The following ADGRV1 variants were observed in gnomAD, a reference collection of about 807,000 sequenced individuals.
ADGRV1 encodes adhesion G protein-coupled receptor V1.
Under a neutral mutation model 596.2 loss-of-function variants are expected in ADGRV1, and 359 were observed. That is an observed-to-expected ratio of 0.60 (90% CI 0.55 to 0.66). The LOEUF (loss-of-function observed/expected upper bound fraction) is 0.66. ADGRV1 is among the 30% of genes least tolerant of loss of function. ADGRV1 has a pLI of 0.00. For synonymous variants in ADGRV1, 2,681 were observed against 2,679.2 expected, an observed-to-expected ratio of 1.00 and a Z score of -0.02; for missense variants, 7,274 against 7,575.6, an observed-to-expected ratio of 0.96 and a Z score of 1.48.
chr5:90,985,906 A>G (rs1780452876), intron 85 of ADGRV1, among the ~76,000 whole-genome samples: 1 of 152,050 alleles, frequency 6.6e-6, no homozygotes, highest in South Asian at 2.1e-4. Flanking sequence ...GGGGGATGGC[A>G]GCCACCATCA....
chr5:90,787,780 G>A (rs1759629892), intron 67 of ADGRV1, among the ~76,000 whole-genome samples: 2 of 151,378 alleles, frequency 1.3e-5, no homozygotes, highest in South Asian at 4.2e-4. Flanking sequence ...TAGTAGAGAC[G>A]GGGTTTCACC....
chr5:91,032,426 A>G (rs891984940), intron 85 of ADGRV1, among the ~76,000 whole-genome samples: 6 of 152,206 alleles, frequency 3.9e-5, no homozygotes, highest in Non-Finnish European at 7.3e-5. Context: ...GGTGGTAACA[A>G]CTGACATGTA....
At chr5:90,706,422 AG>A in intron 38 of ADGRV1, 28 bp downstream of exon 38, 2 of 1,493,058 alleles carry the variant, frequency 1.3e-6, no homozygotes, top group Non-Finnish European at 1.8e-6. Context: ...TTTTAATCTT[AG>A]GGGGAGATAG....
intron 83 of ADGRV1, among the ~76,000 whole-genome samples, chr5:90,904,052 A>G (rs1234490157): frequency 1.3e-5 from 2 of 152,086 alleles, no homozygotes; most frequent in Non-Finnish European, 2.9e-5. Flanking sequence ...TTCACTTAAC[A>G]TAGTGATCTC....
At chr5:90,798,220 C>A (rs1760966193) in intron 70 of ADGRV1, among the ~76,000 whole-genome samples, 1 of 152,000 alleles carries the variant, frequency 6.6e-6, no homozygotes, top group Admixed American at 6.6e-5. Flanking sequence ...CAAATAGACA[C>A]AATAAAAAAT....
At chr5:90,925,638 A>G (rs376495911) in intron 83 of ADGRV1, among the ~76,000 whole-genome samples, 4 of 148,856 alleles carry the variant, frequency 2.7e-5, no homozygotes, top group Non-Finnish European at 4.5e-5. Flanking sequence ...TCTCCTGCCT[A>G]ATTGCCCTGG....
chr5:90,807,606 C>T lies in ADGRV1; in HGVS notation c.14841C>T (p.Ser4947=). Residue 4947 remains serine (S), a synonymous_variant, in exon 73 of 90, where the codon AGC becomes AGT. Coordinates refer to ENST00000405460, the MANE Select transcript of ADGRV1 (RefSeq NM_032119.4). The part of the protein sequence containing the change: ...VVGNMTPTLG[S]LSFSHGEQRK... ...CTTTTTCATGTTTTCTTTCAGGGAG[C>T]CTTTCATTTTCCCACGGTGAACAAA... 2 of 1,610,472 alleles carry T rather than the reference C, an allele frequency of 1.2e-6. No individual in the cohort carries two copies. The highest frequency in any genetic ancestry group is 1.7e-6 in the Non-Finnish European group (2 of 1,177,698).
chr5:90,985,641 T>C, intron 85 of ADGRV1, 119 bp downstream of exon 85: 1 of 690,520 alleles, frequency 1.4e-6, no homozygotes, highest in Non-Finnish European at 2.4e-6. Flanking sequence ...CCACAGTGTC[T>C]GAAGCTCTGC....
chr5:90,895,743 A>T (rs1399960884), intron 83 of ADGRV1, among the ~76,000 whole-genome samples: 1 of 152,174 alleles, frequency 6.6e-6, no homozygotes, highest in African/African-American at 2.4e-5. Context: ...TGCTGGTAAT[A>T]GTTTTAACTT....
intron 85 of ADGRV1, among the ~76,000 whole-genome samples, chr5:91,065,569 G>A (rs539521210): frequency 7.2e-5 from 11 of 152,252 alleles, no homozygotes; most frequent in East Asian, 1.9e-4. Context: ...GGTTGTAAGC[G>A]GAGTTCATGT....
intron 87 of ADGRV1, among the ~76,000 whole-genome samples, chr5:91,142,989 G>A (rs1457327226): frequency 6.6e-6 from 1 of 152,188 alleles, no homozygotes; most frequent in East Asian, 1.9e-4. Context: ...GCCTGCCAAG[G>A]GCGAGTGGAG....
chr5:90,863,597 A>G (rs1488276759), intron 82 of ADGRV1, among the ~76,000 whole-genome samples, 160 bp from the exon 83 acceptor site: 1 of 152,222 alleles, frequency 6.6e-6, no homozygotes, highest in Non-Finnish European at 1.5e-5. Context: ...GTCATGGAAA[A>G]TGGAGTAGAT....
intron 87 of ADGRV1, among the ~76,000 whole-genome samples, chr5:91,128,241 T>C (rs1004667756): frequency 5.3e-5 from 8 of 151,968 alleles, no homozygotes; most frequent in African/African-American, 1.9e-4. Context: ...TTTCCCCTTA[T>C]CGCAGCATTT....
At chr5:91,068,228 AG>A (rs1214964223) in intron 85 of ADGRV1, among the ~76,000 whole-genome samples, 1 of 152,032 alleles carries the variant, frequency 6.6e-6, no homozygotes, top group East Asian at 1.9e-4. Context: ...AGGCCAGGGC[AG>A]GTGGATCACA....
intron 85 of ADGRV1, among the ~76,000 whole-genome samples, chr5:91,009,708 A>C (rs570193240): frequency 2.0e-4 from 30 of 152,186 alleles, no homozygotes; most frequent in African/African-American, 7.0e-4. Flanking sequence ...GCTAAAGAGA[A>C]ATTAATTAGT....
chr5:90,928,633 G>A (rs1430266283), intron 83 of ADGRV1, among the ~76,000 whole-genome samples: 101 of 150,548 alleles, frequency 6.7e-4, no homozygotes, highest in African/African-American at 2.4e-3. Flanking sequence ...CTCTCAGCTC[G>A]TGAAAGTCAT....
Position 90,823,435 on chromosome 5 carries a change from G to A in ADGRV1, c.16207G>A (p.Asp5403Asn). ...GTTTCTTGCTCACAGGGCCTTTGAA[G>A]ATGTCAAGGTCTTTTGGCGAGTCAC... ...VTRQPNRAFE[D>N]VKVFWRVTLN... Residue 5403 changes from aspartate to asparagine, a missense_variant, in exon 76 of 90, where the codon GAT (aspartate) becomes AAT (asparagine). This residue lies in a region of ADGRV1 where 1,874 missense variants were observed against 1,970.2 expected (regional missense o/e 0.95). Coordinates refer to ENST00000405460, the MANE Select transcript of ADGRV1 (RefSeq NM_032119.4). 6.2e-7 allele frequency: 1 copy of A among 1,613,704 alleles called. No homozygotes were observed. The highest frequency in any genetic ancestry group is 8.5e-7 in the Non-Finnish European group (1 of 1,179,806).
intron 83 of ADGRV1, among the ~76,000 whole-genome samples, chr5:90,927,758 A>C (rs1774670329): frequency 6.6e-6 from 1 of 151,964 alleles, no homozygotes. Flanking sequence ...TTGATTTTGC[A>C]GTGGCTGGTA....
At chr5:90,820,902 G>A (rs1436911172) in intron 75 of ADGRV1, among the ~76,000 whole-genome samples, 1 of 152,050 alleles carries the variant, frequency 6.6e-6, no homozygotes, top group African/African-American at 2.4e-5. Flanking sequence ...TCTTGGAGTT[G>A]CTCTTCTCGA....
Sources: allele counts gnomAD v4.1 joint callset (sites outside exome capture counted in the v4.1 genomes callset), GRCh38; gene constraint gnomAD v4.1.1; regional missense constraint gnomAD v4.1.1; transcripts MANE v1.5; gene names NCBI Gene and HGNC (gene_info 2026-07-23, HGNC 2026-07-21).